Variants in C12orf50 observed in about 807,000 individuals in gnomAD.
The protein encoded by C12orf50 is zinc finger CCCH-type containing 11D.
Under a neutral mutation model 61.6 loss-of-function variants are expected in C12orf50, and 35 were observed. The observed-to-expected ratio is 0.57, with a 90% CI of 0.43 to 0.75. The LOEUF is 0.75. Among genes scored for constraint, C12orf50 ranks in the 30% least tolerant of loss-of-function variants. The probability of loss-of-function intolerance (pLI) is 0.00; values close to 1 mark genes in which losing one functional copy is unlikely to be tolerated. For synonymous variants in C12orf50, 178 were observed against 161.5 expected, an observed-to-expected ratio of 1.10 and a Z score of -0.77; for missense variants, 475 against 488.5, an observed-to-expected ratio of 0.97 and a Z score of 0.26.
At chr12:88,002,939 G>T (rs1328784973) in intron 3 of C12orf50, among the ~76,000 whole-genome samples, 1 of 151,640 alleles carries the variant, frequency 6.6e-6, no homozygotes, top group Admixed American at 6.6e-5. Flanking sequence ...GATATAAGAG[G>T]TTACTCCTAT....
chr12:88,015,408 G>T (rs2032275648), intron 3 of C12orf50, among the ~76,000 whole-genome samples: 1 of 152,190 alleles, frequency 6.6e-6, no homozygotes, highest in East Asian at 1.9e-4. Context: ...CAAATCAGTT[G>T]TCCAAGGCAT....
chr12:88,004,444 T>C (rs1226028949), intron 3 of C12orf50, among the ~76,000 whole-genome samples: 1 of 152,210 alleles, frequency 6.6e-6, no homozygotes, highest in Non-Finnish European at 1.5e-5. Flanking sequence ...TATACACTGC[T>C]AGTGGGAATG....
At position 88,012,546 on chromosome 12, in the gene C12orf50, C is replaced by CT. The variant is rs2032152270; in HGVS notation, c.133+13941dup. ...GTTCTTCGCAAATTATTTTTCTTCC[C>CT]TTTTCACTAATTCTTTAAGAGCACC... On this transcript the variant is annotated intron_variant, in intron 3 of 12. Transcript: ENST00000298699. Among the ~76,000 whole-genome samples, 5 of 152,200 alleles carry CT rather than the reference C, an allele frequency of 3.3e-5. No homozygotes were observed. The South Asian group carries it at 1.0e-3, about 32-fold the overall frequency.
intron 3 of C12orf50, among the ~76,000 whole-genome samples, chr12:88,003,734 T>G (rs1316736443): frequency 1.3e-5 from 2 of 152,116 alleles, no homozygotes; most frequent in African/African-American, 4.8e-5. Context: ...TCTCCAGAAT[T>G]TGCCTTTATC....
chr12:87,998,270 CTAAT>C, intron 3 of C12orf50, 80 bp from the exon 4 acceptor site: 2 of 1,043,482 alleles, frequency 1.9e-6, no homozygotes, highest in Non-Finnish European at 2.7e-6. Context: ...CATTGCCCTC[CTAAT>C]TAACTATATA....
At position 88,003,444 on chromosome 12, in the gene C12orf50, C is replaced by T. The variant is rs145615025; in HGVS notation, c.134-5254G>A. Among the ~76,000 whole-genome samples the T allele has an allele frequency of 1.8e-3, 275 of 152,180 alleles. 1 individual carries two copies. The highest frequency in any genetic ancestry group is 6.2e-3 in the African/African-American group (259 of 41,582). ...GGATTTGAAATACTGACTCAGGTCACTTGCTTTCCACCTGAAAGTTTTCCT... is the reference window on the plus strand; with the variant it reads ...GGATTTGAAATACTGACTCAGGTCATTTGCTTTCCACCTGAAAGTTTTCCT... On this transcript the variant is annotated intron_variant, in intron 3 of 12. Coordinates refer to ENST00000298699, the MANE Select transcript of C12orf50 (RefSeq NM_152589.3).
At chr12:88,006,378 A>C (rs1339859628) in intron 3 of C12orf50, among the ~76,000 whole-genome samples, 1 of 152,122 alleles carries the variant, frequency 6.6e-6, no homozygotes, top group Non-Finnish European at 1.5e-5. Flanking sequence ...AAACTTCCCC[A>C]CACTATGTTC....
chr12:88,026,851 A>G, intron 2 of C12orf50, 100 bp downstream of exon 2: 1 of 1,488,900 alleles, frequency 6.7e-7, no homozygotes, highest in South Asian at 1.4e-5. Flanking sequence ...AAATAGTAGA[A>G]GGAAGAATGA....
At chr12:87,989,419 CA>C (rs2031014058) in intron 7 of C12orf50, 48 bp from the exon 8 acceptor site, 2 of 1,358,748 alleles carry the variant, frequency 1.5e-6, no homozygotes, top group African/African-American at 1.4e-5. Flanking sequence ...GAAAGTGATA[CA>C]AACTAGCTTT....
intron 3 of C12orf50, among the ~76,000 whole-genome samples, chr12:88,018,837 G>C (rs2032408383): frequency 1.3e-5 from 2 of 152,128 alleles, no homozygotes; most frequent in Admixed American, 6.5e-5. Flanking sequence ...CCTTTGTTTT[G>C]CCCAGTTTCT....
At chr12:87,992,418 T>C (rs1443434079) in intron 7 of C12orf50, among the ~76,000 whole-genome samples, 3 of 152,110 alleles carry the variant, frequency 2.0e-5, no homozygotes, top group South Asian at 2.1e-4. Flanking sequence ...ATATATACTA[T>C]ATACATAGAG....
intron 9 of C12orf50, among the ~76,000 whole-genome samples, chr12:87,987,370 C>T (rs1235706867): frequency 3.3e-5 from 5 of 151,882 alleles, no homozygotes; most frequent in Admixed American, 2.0e-4. Flanking sequence ...TGCCAGGCTG[C>T]GATCCAAGAA....
chr12:87,983,025 C>G (rs770727037), intron 12 of C12orf50, 78 bp downstream of exon 12: 18 of 800,748 alleles, frequency 2.2e-5, no homozygotes, highest in Non-Finnish European at 2.9e-5. Flanking sequence ...TTCATGTTTT[C>G]TAAAACACTC....
At chr12:88,025,080 A>C (rs2032652522) in intron 3 of C12orf50, among the ~76,000 whole-genome samples, 1 of 152,196 alleles carries the variant, frequency 6.6e-6, no homozygotes. Flanking sequence ...CTTGTGAGAG[A>C]ATAGATCAAA....
intron 3 of C12orf50, among the ~76,000 whole-genome samples, chr12:88,022,150 T>C (rs1031408599): frequency 6.6e-5 from 10 of 151,002 alleles, no homozygotes; most frequent in Non-Finnish European, 1.3e-4. Flanking sequence ...TCCATCATGA[T>C]CAAGTATGCC....
At chr12:88,000,348 T>C (rs1399060654) in intron 3 of C12orf50, among the ~76,000 whole-genome samples, 3 of 152,144 alleles carry the variant, frequency 2.0e-5, no homozygotes, top group African/African-American at 7.2e-5. Flanking sequence ...AACTGATTGA[T>C]ATAAAAGTTT....
At chr12:87,987,077 G>A (rs1374191989) in intron 9 of C12orf50, among the ~76,000 whole-genome samples, 1 of 152,068 alleles carries the variant, frequency 6.6e-6, no homozygotes, top group Non-Finnish European at 1.5e-5. Context: ...CACTGTGCAA[G>A]GCTCCTGAAA....
At chr12:88,007,233 G>T (rs1018974432) in intron 3 of C12orf50, among the ~76,000 whole-genome samples, 1 of 152,122 alleles carries the variant, frequency 6.6e-6, no homozygotes, top group Non-Finnish European at 1.5e-5. Flanking sequence ...AGATAGTTAA[G>T]ATCTCTTTTA....
At chr12:87,988,672 T>G (rs1479813245) in intron 8 of C12orf50, among the ~76,000 whole-genome samples, 1 of 152,130 alleles carries the variant, frequency 6.6e-6, no homozygotes, top group Non-Finnish European at 1.5e-5. Flanking sequence ...CTTGAGATAT[T>G]TAATGGTAGA....
Sources: allele counts gnomAD v4.1 joint callset (sites outside exome capture counted in the v4.1 genomes callset), GRCh38; gene constraint gnomAD v4.1.1; transcripts MANE v1.5; gene names NCBI Gene and HGNC (gene_info 2026-07-23, HGNC 2026-07-21).